ZFYVE16: variants seen among roughly 807,000 people sequenced by gnomAD.
ZFYVE16 encodes zinc finger FYVE-type containing 16, also known as zinc finger FYVE domain-containing protein 16.
Under a neutral mutation model 138.1 loss-of-function variants are expected in ZFYVE16, and 89 were observed. That is an observed-to-expected ratio of 0.64 (90% CI 0.54 to 0.77). ZFYVE16 has a LOEUF of 0.77. ZFYVE16 is among the 30% of genes least tolerant of loss of function. The probability of loss-of-function intolerance (pLI) is 0.00; values close to 1 mark genes in which losing one functional copy is unlikely to be tolerated. For missense variants in ZFYVE16, 1,793 were observed against 1,786.7 expected (o/e 1.00, Z -0.06); for synonymous variants, 596 against 618.3 (o/e 0.96, Z 0.53).
At chr5:80,455,552 A>C (rs77782744) in intron 11 of ZFYVE16, 140 bp from the exon 12 acceptor site, 18 of 710,580 alleles carry the variant, frequency 2.5e-5, no homozygotes, top group Admixed American at 3.2e-5. Context: ...AAAAAAAATT[A>C]TCTCTCACTT....
chr5:80,445,748 T>A (rs1000104933), intron 7 of ZFYVE16, among the ~76,000 whole-genome samples: 1 of 111,954 alleles, frequency 8.9e-6, no homozygotes. Flanking sequence ...TTAAAAAAAA[T>A]GTTTTTTTAA....
chr5:80,407,818 G>C (rs1744816533), upstream of ZFYVE16, among the ~76,000 whole-genome samples: 2 of 152,214 alleles, frequency 1.3e-5, no homozygotes, highest in African/African-American at 2.4e-5. Flanking sequence ...GGAGAACCGA[G>C]TCCCGACCTA....
chr5:80,473,989 A>G, intron 17 of ZFYVE16, 130 bp downstream of exon 17: 1 of 637,102 alleles, frequency 1.6e-6, no homozygotes, highest in Non-Finnish European at 2.6e-6. Context: ...ACTTTGAGAC[A>G]TACGCATTTC....
At chr5:80,407,756 G>A (rs547859067), upstream of ZFYVE16, among the ~76,000 whole-genome samples, 3 of 152,330 alleles carry the variant, frequency 2.0e-5, no homozygotes, top group South Asian at 6.2e-4. Context: ...TTAGCGAAGG[G>A]TAAAGGAAGT....
chr5:80,416,092 G>A (rs1043022238), intron 1 of ZFYVE16, among the ~76,000 whole-genome samples: 6 of 151,952 alleles, frequency 3.9e-5, no homozygotes, highest in African/African-American at 1.2e-4. Flanking sequence ...AAGTCACTGT[G>A]CGCTGCACAC....
intron 1 of ZFYVE16, among the ~76,000 whole-genome samples, chr5:80,426,272 G>GTGTA (rs1370196862): frequency 6.7e-3 from 176 of 26,430 alleles, no homozygotes; most frequent in African/African-American, 9.8e-3. Flanking sequence ...GTGTGTGTGT[G>GTGTA]TATATATATA....
chr5:80,453,076 T>C (rs1274024772), intron 11 of ZFYVE16, among the ~76,000 whole-genome samples: 5 of 152,166 alleles, frequency 3.3e-5, no homozygotes, highest in Admixed American at 2.6e-4. Context: ...TGGAGGAAAA[T>C]TAAATGTTGA....
intron 1 of ZFYVE16, among the ~76,000 whole-genome samples, chr5:80,425,949 A>C (rs1025401708): frequency 6.6e-6 from 1 of 152,154 alleles, no homozygotes; most frequent in Admixed American, 6.5e-5. Flanking sequence ...TGAATTAAAA[A>C]TTTTTAACAT....
chr5:80,468,530 A>T (rs1364772913), intron 15 of ZFYVE16, among the ~76,000 whole-genome samples: 1 of 152,240 alleles, frequency 6.6e-6, no homozygotes, highest in Non-Finnish European at 1.5e-5. Flanking sequence ...GAAAACGCAC[A>T]GTAAAAAATA....
intron 5 of ZFYVE16, chr5:80,440,976 C>T: frequency 1.0e-6 from 1 of 985,376 alleles, no homozygotes; most frequent in Non-Finnish European, 1.2e-6. Context: ...TTTCTCCCTG[C>T]TGTTGACCTC....
intron 15 of ZFYVE16, among the ~76,000 whole-genome samples, chr5:80,467,605 CAT>C (rs1412028139): frequency 2.0e-5 from 3 of 152,188 alleles, no homozygotes; most frequent in Non-Finnish European, 4.4e-5. Flanking sequence ...AAAAAAGCCA[CAT>C]AACAACAAAC....
chr5:80,438,909 C>T lies in ZFYVE16; in HGVS notation c.2224C>T (p.Pro742Ser), dbSNP rs1750333537. The T allele has an allele frequency of 6.2e-7, 1 of 1,614,070 alleles. No individual in the cohort carries two copies. The highest frequency in any genetic ancestry group is 2.2e-5 in the East Asian group (1 of 44,872). Residue 742 changes from proline (P) to serine (S), a missense_variant, in exon 4 of 19, where the codon CCT becomes TCT. Around this residue, in one of 2 missense-constraint regions of ZFYVE16, gnomAD observed 1,295 missense variants for 1,204.3 expected, o/e 1.08. Transcript: ENST00000505560. ...KEGLVLGQKQ[P>S]TWVPDSEAPN... is the part of the protein sequence containing the mutation. ...AGGCTTGGTTTTGGGCCAGAAACAG[C>T]CTACTTGGGTTCCTGATTCAGAAGC...
rs371440450 is a variant in ZFYVE16, at chr5:80,449,573, A to G, written c.3104-18A>G. 1.3e-6 allele frequency: 2 copies of G among 1,599,834 alleles called. No homozygotes were observed. Among genetic ancestry groups the G allele is most frequent in the Non-Finnish European group, 1.7e-6 (2 of 1,175,616 alleles). ...ACAGGATATTTATCCTGATTAATATATTACTTTCATCATTTAGTGCCTGTA... is the reference window on the plus strand; with the variant it reads ...ACAGGATATTTATCCTGATTAATATGTTACTTTCATCATTTAGTGCCTGTA... On this transcript the variant is annotated intron_variant, in intron 8 of 18. Transcript: ENST00000505560.
intron 6 of ZFYVE16, among the ~76,000 whole-genome samples, chr5:80,444,486 A>G (rs1751080929): frequency 6.6e-6 from 1 of 151,272 alleles, no homozygotes; most frequent in Admixed American, 6.6e-5. Context: ...CATCTGGCAG[A>G]GATTTTCGTA....
chr5:80,449,827 T>G, intron 9 of ZFYVE16, 114 bp downstream of exon 9: 1 of 1,220,248 alleles, frequency 8.2e-7, no homozygotes, highest in Non-Finnish European at 1.1e-6. Context: ...GATTGGATAT[T>G]GGTTTTTCAG....
At chr5:80,427,971 CAAAAAAAAAAAAA>C (rs386404254) in intron 2 of ZFYVE16, among the ~76,000 whole-genome samples, 9 of 48,104 alleles carry the variant, frequency 1.9e-4, no homozygotes, top group East Asian at 1.5e-3. Flanking sequence ...GACTCCATCT[CAAAAAAAAAAAAA>C]AAAAAAAAAA....
rs1335748224 is a variant in ZFYVE16, at chr5:80,437,439, A to T, written c.754A>T (p.Ser252Cys). ...FNMSSALTRQ[S>C]SKMFHAKDKL... ...CATGTCATCTGCTTTGACTCGACAA[A>T]GTTCCAAAATGTTTCATGCCAAAGA... The change falls in exon 4 of 19, where the codon AGT becomes TGT. Residue 252 changes from serine (S) to cysteine (C), a missense_variant. Around this residue, in one of 2 missense-constraint regions of ZFYVE16, gnomAD observed 1,295 missense variants for 1,204.3 expected, o/e 1.08. Transcript: ENST00000505560. 6.2e-7 allele frequency: 1 copy of T among 1,602,228 alleles called. No homozygotes were observed. Among genetic ancestry groups the T allele is most frequent in the Non-Finnish European group, 8.5e-7 (1 of 1,175,134 alleles).
chr5:80,438,739 T>C lies in ZFYVE16; in HGVS notation c.2054T>C (p.Val685Ala), dbSNP rs1750301738. 1 of 1,614,138 alleles carries C rather than the reference T, an allele frequency of 6.2e-7. No individual in the cohort carries two copies. Among genetic ancestry groups the C allele is most frequent in the Non-Finnish European group, 8.5e-7 (1 of 1,179,988 alleles). Residue 685 changes from valine (V) to alanine (A), a missense_variant, in exon 4 of 19, where the codon GTT becomes GCT. By Grantham distance (64) the Val-to-Ala change is moderately conservative (BLOSUM62 0). Coordinates refer to ENST00000505560, the MANE Select transcript of ZFYVE16 (RefSeq NM_001284236.3). ...ESEPSTADTVVPITCAIDSTA... is the reference protein window; with the variant it reads ...ESEPSTADTVAPITCAIDSTA... Reference sequence around the variant, plus strand: ...GAACCCAGCACAGCAGATACCGTTGTTCCAATCACTTGTGCTATAGATTCT... The same window carrying C: ...GAACCCAGCACAGCAGATACCGTTGCTCCAATCACTTGTGCTATAGATTCT...
At chr5:80,443,967 G>A (rs1751013149) in intron 6 of ZFYVE16, 1 of 364,768 alleles carries the variant, frequency 2.7e-6, no homozygotes, top group South Asian at 2.1e-5. Flanking sequence ...ATTTTTAATT[G>A]TGTATTTTAC....
Sources: allele counts gnomAD v4.1 joint callset (sites outside exome capture counted in the v4.1 genomes callset), GRCh38; gene constraint gnomAD v4.1.1; regional missense constraint gnomAD v4.1.1; transcripts MANE v1.5; gene names NCBI Gene and HGNC (gene_info 2026-07-23, HGNC 2026-07-21).